JMY: variants seen among roughly 807,000 people sequenced by gnomAD.
The protein encoded by JMY is junction-mediating and -regulatory protein.
JMY carries 46 observed loss-of-function variants against 103.3 expected under a neutral mutation model. The ratio of observed to expected loss-of-function variants is 0.45; its 90% CI spans 0.35 to 0.57. The LOEUF is 0.57. Ranked by LOEUF, JMY falls within the 20% of genes least tolerant of loss-of-function variation. JMY has a pLI of 0.00. For missense variants in JMY, 1,238 were observed against 1,255.2 expected, an observed-to-expected ratio of 0.99 and a Z score of 0.21; for synonymous variants, 526 against 489.3, an observed-to-expected ratio of 1.07 and a Z score of -0.99.
chr5:79,269,728 T>A (rs552150002), intron 1 of JMY, among the ~76,000 whole-genome samples: 8 of 152,090 alleles, frequency 5.3e-5, no homozygotes, highest in African/African-American at 1.2e-4. Context: ...GTATTTTATT[T>A]TTTATTTATT....
intron 2 of JMY, chr5:79,284,372 A>G: frequency 7.7e-7 from 1 of 1,291,410 alleles, no homozygotes; most frequent in African/African-American, 1.5e-5. Flanking sequence ...TTTATTGACC[A>G]CTTCTTTCAA....
intron 1 of JMY, among the ~76,000 whole-genome samples, chr5:79,270,899 GT>G (rs1268386312): frequency 6.6e-6 from 1 of 151,642 alleles, no homozygotes; most frequent in Non-Finnish European, 1.5e-5. Context: ...GATTTTTCTT[GT>G]TTAGCCTGTT....
chr5:79,323,438 A>T lies in JMY; in HGVS notation c.*1836A>T, dbSNP rs1340082483. ...AGCATGGGGGTGGTGATAGTGTCCT[A>T]TTTGCCCTTGGTAAAATATTAAAGC... On this transcript the variant is annotated 3_prime_UTR_variant, in exon 11 of 11. Transcript: ENST00000396137. The T allele has an allele frequency of 6.6e-6, 1 of 152,198 alleles. No homozygotes were observed. Among genetic ancestry groups the T allele is most frequent in the Non-Finnish European group, 1.5e-5 (1 of 68,030 alleles). The allele number at this position is 152,198 out of a possible 1,614,324, so 9.4% of individuals were successfully genotyped here.
At chr5:79,298,805 T>C (rs1363873097) in intron 4 of JMY, among the ~76,000 whole-genome samples, 1 of 152,266 alleles carries the variant, frequency 6.6e-6, no homozygotes, top group Non-Finnish European at 1.5e-5. Context: ...TTTGAAATTA[T>C]ATTTTAAGGA....
At chr5:79,282,699 C>CCAATACCACA (rs1746154380) in intron 2 of JMY, among the ~76,000 whole-genome samples, 2 of 152,150 alleles carry the variant, frequency 1.3e-5, no homozygotes, top group African/African-American at 4.8e-5. Context: ...ATACTTAGTG[C>CCAATACCACA]TTGTGCTTTA....
At chr5:79,280,032 G>A (rs977646683) in intron 2 of JMY, among the ~76,000 whole-genome samples, 2 of 152,036 alleles carry the variant, frequency 1.3e-5, no homozygotes, top group Admixed American at 6.6e-5. Context: ...GTTTTTGTGC[G>A]GAGGTCTCCA....
At chr5:79,300,024 C>T (rs1746684704) in intron 4 of JMY, 129 bp from the exon 5 acceptor site, 4 of 549,142 alleles carry the variant, frequency 7.3e-6, no homozygotes, top group Non-Finnish European at 1.2e-5. Flanking sequence ...GATTCCATGC[C>T]TACAAGTTTC....
intron 1 of JMY, among the ~76,000 whole-genome samples, chr5:79,250,048 A>G (rs1017633812): frequency 6.6e-6 from 1 of 152,234 alleles, no homozygotes; most frequent in Admixed American, 6.5e-5. Flanking sequence ...TATCTAATAT[A>G]GAAACCGTCA....
At position 79,316,129 on chromosome 5, in the gene JMY, G is replaced by C; in HGVS notation, c.2789G>C (p.Arg930Thr). The C allele has an allele frequency of 5.0e-6, 8 of 1,614,134 alleles. No individual in the cohort carries two copies. The highest frequency in any genetic ancestry group is 6.8e-6 in the Non-Finnish European group (8 of 1,180,006). ...AGTAATAATATCTTGGCACAAATAAGGAAAGGGGTAAAATTGAAGAAGGTA... is the reference window on the plus strand; with the variant it reads ...AGTAATAATATCTTGGCACAAATAACGAAAGGGGTAAAATTGAAGAAGGTA... ...DDSNNILAQIRKGVKLKKVQK... is the reference protein window; with the variant it reads ...DDSNNILAQITKGVKLKKVQK... The change falls in exon 10 of 11, where the codon AGG (arginine) becomes ACG (threonine). Residue 930 changes from arginine (R) to threonine (T), a missense_variant. Physicochemically the swap from Arg to Thr is moderately conservative, Grantham distance 71. Coordinates refer to ENST00000396137, the MANE Select transcript of JMY (RefSeq NM_152405.5).
chr5:79,242,783 C>CT (rs71615514), intron 1 of JMY, among the ~76,000 whole-genome samples: 14,086 of 140,606 alleles, frequency 0.1, 1,164 homozygotes, highest in African/African-American at 0.23. Context: ...TCAATAATGA[C>CT]TTTTTTTTTT....
At chr5:79,298,506 T>G (rs1746631884) in intron 4 of JMY, among the ~76,000 whole-genome samples, 1 of 152,200 alleles carries the variant, frequency 6.6e-6, no homozygotes, top group African/African-American at 2.4e-5. Context: ...TTTTATGACT[T>G]AGGACAAAAA....
chr5:79,263,064 T>C (rs1745471712), intron 1 of JMY, among the ~76,000 whole-genome samples: 1 of 151,968 alleles, frequency 6.6e-6, no homozygotes, highest in South Asian at 2.1e-4. Flanking sequence ...TTTGATCACT[T>C]GTAAATGACT....
chr5:79,325,077 C>G lies in JMY; in HGVS notation c.*3475C>G, dbSNP rs527797764. 1 of 151,804 alleles carries G rather than the reference C, an allele frequency of 6.6e-6. No homozygotes were observed. Among genetic ancestry groups the G allele is most frequent in the Admixed American group, 6.6e-5 (1 of 15,234 alleles). The allele number at this position is 151,804 out of a possible 1,614,324, so 9.4% of individuals were successfully genotyped here. A position where few individuals can be genotyped will look rare whatever the true frequency, so the allele number is the denominator to read the frequency against. On this transcript the variant is annotated 3_prime_UTR_variant, in exon 11 of 11. Coordinates refer to ENST00000396137, the MANE Select transcript of JMY (RefSeq NM_152405.5). ...AACAAAAACTAATGGGCAGCATTCT[C>G]TCTGTTTGGAATGGGATCAGTATAC...
chr5:79,274,402 TTTTG>T (rs900706554), intron 1 of JMY, among the ~76,000 whole-genome samples: 5 of 152,058 alleles, frequency 3.3e-5, no homozygotes, highest in Admixed American at 1.3e-4. Flanking sequence ...TAGTGTTTTT[TTTTG>T]TTTGTTTGTT....
chr5:79,256,467 A>C (rs2112059232), intron 1 of JMY, among the ~76,000 whole-genome samples: 1 of 152,198 alleles, frequency 6.6e-6, no homozygotes, highest in East Asian at 1.9e-4. Flanking sequence ...CCAGGAATCA[A>C]GCAGAAGTAG....
At chr5:79,307,357 T>TC in intron 7 of JMY, among the ~76,000 whole-genome samples, 1 of 152,320 alleles carries the variant, frequency 6.6e-6, no homozygotes, top group East Asian at 1.9e-4. Context: ...CATTTTGAAC[T>TC]CCCACCAGCA....
chr5:79,313,907 G>A (rs1248378509), intron 8 of JMY, among the ~76,000 whole-genome samples: 1 of 152,182 alleles, frequency 6.6e-6, no homozygotes, highest in Non-Finnish European at 1.5e-5. Context: ...CACTCAGGCT[G>A]GAGTGCGGTG....
At chr5:79,282,984 GATAATA>G (rs902818236) in intron 2 of JMY, among the ~76,000 whole-genome samples, 3 of 149,008 alleles carry the variant, frequency 2.0e-5, no homozygotes, top group African/African-American at 4.9e-5. Flanking sequence ...AACAGAGAAT[GATAATA>G]ATAATAATAA....
intron 10 of JMY, among the ~76,000 whole-genome samples, chr5:79,316,713 C>T (rs1747233028): frequency 6.6e-6 from 1 of 151,776 alleles, no homozygotes; most frequent in African/African-American, 2.4e-5. Flanking sequence ...CAAGACTAGC[C>T]TGGCCAACAT....
Sources: allele counts gnomAD v4.1 joint callset (sites outside exome capture counted in the v4.1 genomes callset), GRCh38; gene constraint gnomAD v4.1.1; transcripts MANE v1.5; gene names NCBI Gene and HGNC (gene_info 2026-07-23, HGNC 2026-07-21).